CARS1: variants seen among roughly 807,000 people sequenced by gnomAD.
The protein encoded by CARS1 is cysteine--tRNA ligase, cytoplasmic.
In CARS1, 48 loss-of-function variants were observed where a neutral mutation model predicts 106.2. The observed-to-expected ratio is 0.45, with a 90% confidence interval of 0.36 to 0.57. The LOEUF (loss-of-function observed/expected upper bound fraction) is 0.57, where lower values mean the gene tolerates loss of function less well. Ranked by LOEUF, CARS1 falls within the 20% of genes least tolerant of loss-of-function variation. CARS1 has a pLI of 0.00. For missense variants in CARS1, 968 were observed against 1,057.2 expected (o/e 0.92, Z 1.17); for synonymous variants, 409 against 403.4 (o/e 1.01, Z -0.17).
chr11:3,054,592 T>C (rs186381333), intron 1 of CARS1, among the ~76,000 whole-genome samples: 30 of 152,270 alleles, frequency 2.0e-4, no homozygotes, highest in Non-Finnish European at 1.5e-5. Context: ...GCACAGCAGT[T>C]AAGGTCCCTA....
chr11:3,045,929 G>A lies in CARS1; in HGVS notation c.274+1824C>T, dbSNP rs1855033767. On this transcript the variant is annotated intron_variant, in intron 2 of 22. Coordinates refer to ENST00000380525, the MANE Select transcript of CARS1 (RefSeq NM_001014437.3). The surrounding 1 kb of genome is among the most constrained non-coding windows in gnomAD (Gnocchi z 5.6). The stretch of plus-strand genomic sequence containing the variant: ...TTGGACCCACTCGAGGTCACTGGAT[G>A]CTCTAGCAGTCCCAGACTCCAGCTC... 6.6e-6 allele frequency among the ~76,000 whole-genome samples: 1 copy of A among 152,178 alleles called. No individual in the cohort carries two copies. The highest frequency in any genetic ancestry group is 2.1e-4 in the South Asian group (1 of 4,824).
chr11:3,003,679 G>A lies in CARS1; in HGVS notation c.2218-1079C>T, dbSNP rs1355042907. On this transcript the variant is annotated intron_variant, in intron 20 of 22. Transcript: ENST00000380525. This position sits in a 1 kb window ranked among gnomAD's most constrained non-coding sequence, Gnocchi z 4.8. ...GGAGGGAGAGCAGGGCTGGCCGAGG[G>A]AAAGGGGCTGAGGTGGGGGAGGAGC... 6.6e-6 allele frequency among the ~76,000 whole-genome samples: 1 copy of A among 152,182 alleles called. No individual in the cohort carries two copies. The highest frequency in any genetic ancestry group is 1.9e-4 in the East Asian group (1 of 5,192).
In CARS1 at chr11:3,017,551, G is replaced by C. The variant is rs1851162475; in HGVS notation, c.1728-256C>G. ...CCAGCTACTCGGGAGGCTGAGGCAG[G>C]AGAATCGCTCGAACCCGGGAGGTGG... On this transcript the variant is annotated intron_variant, in intron 15 of 22. Transcript: ENST00000380525. This position sits in a 1 kb window ranked among gnomAD's most constrained non-coding sequence, Gnocchi z 4.9. 1 of 559,162 alleles carries C rather than the reference G, an allele frequency of 1.8e-6. No homozygotes were observed. The highest frequency in any genetic ancestry group is 3.2e-6 in the Non-Finnish European group (1 of 315,226). The allele number at this position is 559,162 out of a possible 1,614,324, so 34.6% of individuals were successfully genotyped here.
At chr11:3,036,016 G>T (rs889814319) in intron 7 of CARS1, among the ~76,000 whole-genome samples, 2 of 152,242 alleles carry the variant, frequency 1.3e-5, no homozygotes. Context: ...TTCCTCCTGG[G>T]GAGTCAGGAA....
At position 3,040,919 on chromosome 11, in the gene CARS1, G is replaced by C. The variant is rs776182610; in HGVS notation, c.432C>G (p.Asp144Glu). ...TWYCCGPTVY[D>E]ASHMGHARSY... The stretch of plus-strand genomic sequence containing the variant: ...ACCTGGCGTGCCCCATGTGAGATGC[G>C]TCATAGACGGTTGGCCCACAGCAAT... Residue 144 changes from aspartate to glutamate, a missense_variant, in exon 4 of 23, where the codon GAC (aspartate) becomes GAG (glutamate). Physicochemically the swap from Asp to Glu is conservative, Grantham distance 45. Coordinates refer to ENST00000380525, the MANE Select transcript of CARS1 (RefSeq NM_001014437.3). The surrounding 1 kb of genome is among the most constrained non-coding windows in gnomAD (Gnocchi z 5.8). 2 of 1,614,164 alleles carry C rather than the reference G, an allele frequency of 1.2e-6. No homozygotes were observed. Among genetic ancestry groups the C allele is most frequent in the Non-Finnish European group, 1.7e-6 (2 of 1,180,026 alleles).
At chr11:3,009,944 C>G (rs1265828026) in intron 18 of CARS1, among the ~76,000 whole-genome samples, 1 of 152,192 alleles carries the variant, frequency 6.6e-6, no homozygotes, top group East Asian at 1.9e-4. Context: ...CCACCTCTAA[C>G]ACGCTGCCCC....
Position 3,039,064 on chromosome 11 carries a change from A to G in CARS1, c.651+130T>C. 1 of 614,294 alleles carries G rather than the reference A, an allele frequency of 1.6e-6. No individual in the cohort carries two copies. The highest frequency in any genetic ancestry group is 2.0e-5 in the South Asian group (1 of 49,228). 38.1% of individuals were successfully genotyped at this position (614,294 alleles called of 1,614,324 possible). A position where few individuals can be genotyped will look rare whatever the true frequency, so the allele number is the denominator to read the frequency against. On this transcript the variant is annotated intron_variant, in intron 6 of 22. Transcript: ENST00000380525. The surrounding 1 kb of genome is among the most constrained non-coding windows in gnomAD (Gnocchi z 5.6). ...ATGGAGACTTCAGCGCCCCTGACGG[A>G]ACTGGCTTGAGTAACATACACTTTG...
Position 3,048,209 on chromosome 11 carries a change from T to A in CARS1, c.26-208A>T. ...TGACTGCCTGACAGGTATGGATGGG[T>A]TCCCTCTTGGGTGATGAAAATGCTT... On this transcript the variant is annotated intron_variant, in intron 1 of 22. Coordinates refer to ENST00000380525, the MANE Select transcript of CARS1 (RefSeq NM_001014437.3). The surrounding 1 kb of genome is among the most constrained non-coding windows in gnomAD (Gnocchi z 5.1). 3.6e-6 allele frequency: 2 copies of A among 560,420 alleles called. No individual in the cohort carries two copies. Among genetic ancestry groups the A allele is most frequent in the Admixed American group, 6.4e-5 (2 of 31,296 alleles). 34.7% of individuals were successfully genotyped at this position (560,420 alleles called of 1,614,324 possible). A position where few individuals can be genotyped will look rare whatever the true frequency, so the allele number is the denominator to read the frequency against.
At chr11:3,016,001 G>A (rs1850952754) in intron 16 of CARS1, 152 bp from the exon 17 acceptor site, 5 of 682,276 alleles carry the variant, frequency 7.3e-6, no homozygotes, top group South Asian at 3.3e-5. Flanking sequence ...CCAGAAACCC[G>A]AGCCTGAGGG....
chr11:3,006,504 C>CA (rs1384240453), intron 19 of CARS1, among the ~76,000 whole-genome samples: 1 of 152,236 alleles, frequency 6.6e-6, no homozygotes, highest in East Asian at 1.9e-4. Context: ...TTCTGTGGAA[C>CA]AAAAAGACCT....
At position 3,052,171 on chromosome 11, in the gene CARS1, C is replaced by G. The variant is rs1326163677; in HGVS notation, c.26-4170G>C. Among the ~76,000 whole-genome samples the G allele has an allele frequency of 1.3e-5, 2 of 152,244 alleles. No homozygotes were observed. Among genetic ancestry groups the G allele is most frequent in the African/African-American group, 4.8e-5 (2 of 41,456 alleles). On this transcript the variant is annotated intron_variant, in intron 1 of 22. Transcript: ENST00000380525. The surrounding 1 kb of genome is among the most constrained non-coding windows in gnomAD (Gnocchi z 4.6). Reference sequence around the variant, plus strand: ...GAGCGCTGAGGAAGCAGTCTGGGAACTGAAGCCGCTGTGTATCCGCTCTCT... The same window carrying G: ...GAGCGCTGAGGAAGCAGTCTGGGAAGTGAAGCCGCTGTGTATCCGCTCTCT...
chr11:3,004,057 G>A lies in CARS1; in HGVS notation c.2217+1309C>T, dbSNP rs371984605. Reference sequence around the variant, plus strand: ...GCCAGGGAGTGCAGCAAGCCAGGGCGTCTGCACAGCCAGCACCAGGCCACC... The same window carrying A: ...GCCAGGGAGTGCAGCAAGCCAGGGCATCTGCACAGCCAGCACCAGGCCACC... On this transcript the variant is annotated intron_variant, in intron 20 of 22. Coordinates refer to ENST00000380525, the MANE Select transcript of CARS1 (RefSeq NM_001014437.3). The surrounding 1 kb of genome is among the most constrained non-coding windows in gnomAD (Gnocchi z 5.2). Among the ~76,000 whole-genome samples, 68 of 152,294 alleles carry A rather than the reference G, an allele frequency of 4.5e-4. No homozygotes were observed. The highest frequency in any genetic ancestry group is 1.7e-3 in the East Asian group (9 of 5,178).
At chr11:3,013,441 C>T (rs1850696888) in intron 17 of CARS1, among the ~76,000 whole-genome samples, 1 of 152,212 alleles carries the variant, frequency 6.6e-6, no homozygotes, top group Non-Finnish European at 1.5e-5. Context: ...CGTGAGCCAC[C>T]ATGCTGTGCT....
At chr11:3,016,979 G>T in intron 16 of CARS1, 127 bp downstream of exon 16, 1 of 694,032 alleles carries the variant, frequency 1.4e-6, no homozygotes, top group Non-Finnish European at 2.4e-6. Context: ...ATATCTCCAC[G>T]TCTCAGAGGT....
chr11:3,049,860 CAG>C (rs1252278467), intron 1 of CARS1, among the ~76,000 whole-genome samples: 2 of 152,244 alleles, frequency 1.3e-5, no homozygotes, highest in East Asian at 1.9e-4. Context: ...CTTCTGAAAA[CAG>C]AGAGCAGAGT....
At chr11:3,027,425 C>T (rs574575613) in intron 9 of CARS1, 4 of 155,530 alleles carry the variant, frequency 2.6e-5, no homozygotes, top group South Asian at 3.9e-4. Context: ...AGCAGGCGCA[C>T]GGTACAGTGC....
chr11:3,011,334 G>C lies in CARS1; in HGVS notation c.2068+861C>G, dbSNP rs191418501. On this transcript the variant is annotated intron_variant, in intron 18 of 22. Transcript: ENST00000380525. ...AAAAGATGAAGGAATGGCCAGGCGC[G>C]GTGGCTCACGCCTGTACTCCCAGCA... 1.9e-3 allele frequency among the ~76,000 whole-genome samples: 295 copies of C among 152,250 alleles called. 2 individuals carry two copies. The highest frequency in any genetic ancestry group is 6.7e-3 in the African/African-American group (280 of 41,534).
Position 3,018,519 on chromosome 11 carries a change from G to A in CARS1, c.1526-8C>T. 6.2e-7 allele frequency: 1 copy of A among 1,613,592 alleles called. No individual in the cohort carries two copies. The stretch of plus-strand genomic sequence containing the variant: ...CCAGCCGCAACTGCCGTGCTGTGGG[G>A]GGACACAAGACAGCCAACGCCCTTA... On this transcript the variant is annotated splice_region_variant and splice_polypyrimidine_tract_variant and intron_variant, in intron 13 of 22. Coordinates refer to ENST00000380525, the MANE Select transcript of CARS1 (RefSeq NM_001014437.3).
rs943614754 is a variant in CARS1, at chr11:3,052,677, G to T, written c.25+4666C>A. Reference sequence around the variant, plus strand: ...CCCAGGGAAGCACAGGAGAATGACAGGCTTCCATGAGATGGACGCAGACAG... The same window carrying T: ...CCCAGGGAAGCACAGGAGAATGACATGCTTCCATGAGATGGACGCAGACAG... On this transcript the variant is annotated intron_variant, in intron 1 of 22. Coordinates refer to ENST00000380525, the MANE Select transcript of CARS1 (RefSeq NM_001014437.3). The surrounding 1 kb of genome is among the most constrained non-coding windows in gnomAD (Gnocchi z 4.6). 6.6e-6 allele frequency among the ~76,000 whole-genome samples: 1 copy of T among 152,324 alleles called. No individual in the cohort carries two copies. The highest frequency in any genetic ancestry group is 1.5e-5 in the Non-Finnish European group (1 of 68,040).
Sources: gnomAD v4.1 joint callset for allele counts (sites outside exome capture counted in the v4.1 genomes callset) on GRCh38, gnomAD v4.1.1 for gene constraint, Gnocchi (gnomAD v3.1) non-coding constraint, MANE v1.5 for transcripts, NCBI Gene and HGNC (gene_info 2026-07-23, HGNC 2026-07-21) for gene names.